Variants in FSTL4 observed in about 807,000 individuals in gnomAD.
FSTL4 encodes follistatin like 4.
In FSTL4, 28 loss-of-function variants were observed where a neutral mutation model predicts 78.2. The ratio of observed to expected loss-of-function variants is 0.36; its 90% CI spans 0.27 to 0.49. The LOEUF (loss-of-function observed/expected upper bound fraction) is 0.49. Ranked by LOEUF, FSTL4 falls within the 20% of genes least tolerant of loss-of-function variation. FSTL4 has a pLI of 0.98. For synonymous variants in FSTL4, 422 were observed against 440.5 expected (o/e 0.96, Z 0.53); for missense variants, 922 against 1,084.9 (o/e 0.85, Z 2.11).
rs1750266667 is a variant in FSTL4, at chr5:133,199,865, AATTAC to A, written c.1827-73_1827-69del. 4.8e-5 allele frequency: 35 copies of A among 734,196 alleles called. No homozygotes were observed. Among genetic ancestry groups the A allele is most frequent in the Non-Finnish European group, 7.3e-5 (32 of 437,008 alleles). The allele number at this position is 734,196 out of a possible 1,614,324, so 45.5% of individuals were successfully genotyped here. On this transcript the variant is annotated intron_variant, in intron 15 of 15. Transcript: ENST00000265342. The surrounding 1 kb of genome is among the most constrained non-coding windows in gnomAD (Gnocchi z 4.4). ...GGGGAATCTGTCATTTGTCTTAAAC[AATTAC>A]ATCCTCTGCCTTTTCCCTTTATTAT...
intron 2 of FSTL4, among the ~76,000 whole-genome samples, chr5:133,601,534 C>T (rs182745975): frequency 1.1e-3 from 168 of 152,272 alleles, no homozygotes; most frequent in African/African-American, 3.9e-3. Context: ...AGAGACAGCA[C>T]GCTCTGCACG....
chr5:133,395,798 C>T (rs561797892), intron 4 of FSTL4, among the ~76,000 whole-genome samples: 8 of 152,300 alleles, frequency 5.3e-5, no homozygotes, highest in African/African-American at 1.9e-4. Flanking sequence ...TGAAGGTCCC[C>T]TCTCCTCCAG....
chr5:133,299,819 G>T (rs989390381), intron 6 of FSTL4, among the ~76,000 whole-genome samples: 9 of 152,288 alleles, frequency 5.9e-5, no homozygotes, highest in Admixed American at 1.3e-4. Flanking sequence ...GGGAGGGTGA[G>T]ACCCAGGAAA....
At chr5:133,841,993 G>A in the FSTL4 span, among the ~76,000 whole-genome samples, 76 of 152,302 alleles carry the variant, frequency 5.0e-4, no homozygotes, top group African/African-American at 1.7e-3. Context: ...ACTGGCTGCC[G>A]GCATTTCTGG....
intron 4 of FSTL4, among the ~76,000 whole-genome samples, chr5:133,392,377 C>A (rs1277281217): frequency 6.6e-6 from 1 of 152,096 alleles, no homozygotes; most frequent in African/African-American, 2.4e-5. Context: ...TACGGAGAGT[C>A]AGAGGGATGG....
rs994938387 is a variant in FSTL4, at chr5:133,519,113, C to T, written c.160+48073G>A. On this transcript the variant is annotated intron_variant, in intron 3 of 15. Coordinates refer to ENST00000265342, the MANE Select transcript of FSTL4 (RefSeq NM_015082.2). ...CACTTGTCAGGCAGAGTACAAGGTG[C>T]TCCATGCAAGGAGGGGGTCCCCTCC... Among the ~76,000 whole-genome samples, 4 of 152,190 alleles carry T rather than the reference C, an allele frequency of 2.6e-5. No homozygotes were observed. The South Asian group carries it at 8.3e-4, about 32-fold the overall frequency.
At chr5:133,768,169 A>G in the FSTL4 span, among the ~76,000 whole-genome samples, 1 of 152,184 alleles carries the variant, frequency 6.6e-6, no homozygotes, top group African/African-American at 2.4e-5. Flanking sequence ...CACACCCAGG[A>G]CCAGCACCAT....
At chr5:133,379,045 T>C (rs1755507112) in intron 4 of FSTL4, among the ~76,000 whole-genome samples, 1 of 152,228 alleles carries the variant, frequency 6.6e-6, no homozygotes, top group Admixed American at 6.5e-5. Context: ...GAATTAAAGA[T>C]ATAAATAGAT....
At position 133,582,012 on chromosome 5, in the gene FSTL4, C is replaced by A. The variant is rs73788161; in HGVS notation, c.127-14793G>T. Among the ~76,000 whole-genome samples the A allele has an allele frequency of 2.0e-5, 3 of 152,320 alleles. No individual in the cohort carries two copies. In the South Asian group the frequency reaches 6.2e-4, roughly 32 times the overall value. On this transcript the variant is annotated intron_variant, in intron 2 of 15. Coordinates refer to ENST00000265342, the MANE Select transcript of FSTL4 (RefSeq NM_015082.2). Reference sequence around the variant, plus strand: ...TATGGGGAAGGGTGTCCCTTCGTAACAGAGGGTATCAGCTGGGTGTCACAG... The same window carrying A: ...TATGGGGAAGGGTGTCCCTTCGTAAAAGAGGGTATCAGCTGGGTGTCACAG...
the FSTL4 span, among the ~76,000 whole-genome samples, chr5:133,706,604 G>A: frequency 6.6e-6 from 1 of 152,186 alleles, no homozygotes; most frequent in Non-Finnish European, 1.5e-5. Flanking sequence ...CCATGTGACA[G>A]ACCTTTCCAA....
At chr5:133,644,723 A>G in the FSTL4 span, among the ~76,000 whole-genome samples, 100,824 of 151,924 alleles carry the variant, frequency 0.66, 34,764 homozygotes, top group African/African-American at 0.86. Context: ...CTTTCCATTC[A>G]CCTCTCCCCC....
At chr5:133,416,464 G>A (rs575497348) in intron 3 of FSTL4, among the ~76,000 whole-genome samples, 9 of 152,214 alleles carry the variant, frequency 5.9e-5, no homozygotes, top group African/African-American at 1.7e-4. Flanking sequence ...TAATATTAGC[G>A]GGTGAAAGAG....
upstream of FSTL4, chr5:133,612,714 A>G (rs1761128534): frequency 6.6e-6 from 1 of 152,010 alleles, no homozygotes; most frequent in Admixed American, 6.6e-5. This position sits in a 1 kb window ranked among gnomAD's most constrained non-coding sequence, Gnocchi z 6.2. Flanking sequence ...CGCTGGGGCC[A>G]TCTAGGGCCC....
chr5:133,819,639 C>T, the FSTL4 span, among the ~76,000 whole-genome samples: 2 of 152,220 alleles, frequency 1.3e-5, no homozygotes, highest in Non-Finnish European at 2.9e-5. Flanking sequence ...AATACATCCA[C>T]AGATCAAGAT....
In FSTL4 at chr5:133,604,005, A is replaced by G; in HGVS notation, c.-10-12T>C. 1 of 1,593,368 alleles carries G rather than the reference A, an allele frequency of 6.3e-7. No individual in the cohort carries two copies. The highest frequency in any genetic ancestry group is 8.6e-7 in the Non-Finnish European group (1 of 1,161,192). On this transcript the variant is annotated splice_polypyrimidine_tract_variant and intron_variant, in intron 1 of 15. Transcript: ENST00000265342. The stretch of plus-strand genomic sequence containing the variant: ...TCATTTTGATGAGTCTGTTGAAGAA[A>G]TGACAAATGCTGAGAATAAAACATT...
chr5:133,522,827 C>T (rs1759006891), intron 3 of FSTL4, among the ~76,000 whole-genome samples: 1 of 152,192 alleles, frequency 6.6e-6, no homozygotes, highest in South Asian at 2.1e-4. Flanking sequence ...CTAAGTGCCT[C>T]GGGGGCAGGG....
intron 3 of FSTL4, among the ~76,000 whole-genome samples, chr5:133,488,405 C>T (rs1160994296): frequency 1.3e-5 from 2 of 152,268 alleles, no homozygotes; most frequent in South Asian, 2.1e-4. Context: ...CGGGTACCCA[C>T]CACCACATCC....
the FSTL4 span, among the ~76,000 whole-genome samples, chr5:133,656,996 A>G: frequency 1.3e-5 from 2 of 152,210 alleles, no homozygotes; most frequent in South Asian, 2.1e-4. Flanking sequence ...TAAGTGAAAG[A>G]CAAGAGTCAT....
intron 11 of FSTL4, 185 bp from the exon 12 acceptor site, chr5:133,221,051 GC>G (rs1459629292): frequency 2.6e-5 from 18 of 689,264 alleles, no homozygotes; most frequent in Non-Finnish European, 4.3e-5. Flanking sequence ...TGCAGAGAGG[GC>G]CCCCCAGGAC....
Sources: gnomAD v4.1 joint callset for allele counts (sites outside exome capture counted in the v4.1 genomes callset) on GRCh38, gnomAD v4.1.1 for gene constraint, Gnocchi (gnomAD v3.1) non-coding constraint, MANE v1.5 for transcripts, NCBI Gene and HGNC (gene_info 2026-07-23, HGNC 2026-07-21) for gene names.